Variants in NCBP3 observed in about 807,000 individuals in gnomAD.
NCBP3 encodes the protein nuclear cap binding subunit 3.
A neutral mutation model predicts 75.7 loss-of-function variants in NCBP3; 20 were observed. That is an observed-to-expected ratio of 0.26 (90% CI 0.19 to 0.38). NCBP3 has a LOEUF of 0.38. Among genes scored for constraint, NCBP3 ranks in the 10% least tolerant of loss-of-function variants. The pLI, the probability that NCBP3 is intolerant of heterozygous loss-of-function variation, is 1.00. For synonymous variants in NCBP3, 293 were observed against 290.5 expected, an observed-to-expected ratio of 1.01 and a Z score of -0.09; for missense variants, 678 against 796.9, an observed-to-expected ratio of 0.85 and a Z score of 1.80.
intron 2 of NCBP3, 80 bp from the exon 3 acceptor site, chr17:3,840,285 G>T: frequency 1.8e-6 from 2 of 1,131,482 alleles, no homozygotes; most frequent in South Asian, 2.7e-5. Context: ...ATGCATCAGT[G>T]ACAAACCTGA....
Position 3,812,423 on chromosome 17 carries a change from A to G in NCBP3, c.*621T>C, listed in dbSNP as rs1184059935. 4 of 753,590 alleles carry G rather than the reference A, an allele frequency of 5.3e-6. No individual in the cohort carries two copies. The highest frequency in any genetic ancestry group is 6.5e-6 in the Non-Finnish European group (4 of 617,528). The allele number at this position is 753,590 out of a possible 1,614,324, so 46.7% of individuals were successfully genotyped here. A position where few individuals can be genotyped will look rare whatever the true frequency, so the allele number is the denominator to read the frequency against. On this transcript the variant is annotated 3_prime_UTR_variant, in exon 13 of 13. Transcript: ENST00000389005. ...TCTTCACATCAAGCTGACAGCACGTAAGAGGCCCATGCCATGAGCAATCCC... is the reference window on the plus strand; with the variant it reads ...TCTTCACATCAAGCTGACAGCACGTGAGAGGCCCATGCCATGAGCAATCCC...
In NCBP3 at chr17:3,806,821, G is replaced by C. The variant is rs1466818349; in HGVS notation, c.*6223C>G. ...ATTTATTGTGGGTCTGGTTATGCAA[G>C]AACAATCTTCCTGGACACAGTGTGC... is the stretch of plus-strand genomic sequence containing the variant. On this transcript the variant is annotated 3_prime_UTR_variant, in exon 13 of 13. Transcript: ENST00000389005. 3 of 151,572 alleles carry C rather than the reference G, an allele frequency of 2.0e-5. No individual in the cohort carries two copies. Among genetic ancestry groups the C allele is most frequent in the African/African-American group, 7.3e-5 (3 of 41,232 alleles). 9.4% of individuals were successfully genotyped at this position (151,572 alleles called of 1,614,324 possible). A position where few individuals can be genotyped will look rare whatever the true frequency, so the allele number is the denominator to read the frequency against.
chr17:3,840,273 T>C (rs2054041277), intron 2 of NCBP3, 68 bp from the exon 3 acceptor site: 1 of 1,272,536 alleles, frequency 7.9e-7, no homozygotes, highest in Admixed American at 2.0e-5. Flanking sequence ...ACATGCATCA[T>C]GATGCATCAG....
In NCBP3 at chr17:3,811,054, T is replaced by G. The variant is rs1410521018; in HGVS notation, c.*1990A>C. The G allele has an allele frequency of 2.0e-5, 3 of 152,426 alleles. No homozygotes were observed. In the East Asian group the frequency reaches 5.8e-4, roughly 29 times the overall value. The allele number at this position is 152,426 out of a possible 1,614,324, so 9.4% of individuals were successfully genotyped here. A position where few individuals can be genotyped will look rare whatever the true frequency, so the allele number is the denominator to read the frequency against. On this transcript the variant is annotated 3_prime_UTR_variant, in exon 13 of 13. Coordinates refer to ENST00000389005, the MANE Select transcript of NCBP3 (RefSeq NM_001114118.3). ...CCCTGTCTACACCTCATGCGCGCCC[T>G]CAGTTGTCTCCCTGGCGCCTCCTCC...
At chr17:3,845,410 A>C (rs908683728) in intron 1 of NCBP3, among the ~76,000 whole-genome samples, 7 of 150,386 alleles carry the variant, frequency 4.7e-5, no homozygotes, top group African/African-American at 1.7e-4. Flanking sequence ...CCAGCGCGGT[A>C]AAGGAGGGAC....
At chr17:3,828,474 A>G (rs568064529) in intron 4 of NCBP3, among the ~76,000 whole-genome samples, 3 of 152,322 alleles carry the variant, frequency 2.0e-5, no homozygotes, top group African/African-American at 4.8e-5. Context: ...TTGTCTTTCA[A>G]TGAAAACATC....
At position 3,808,372 on chromosome 17, in the gene NCBP3, C is replaced by G. The variant is rs1392658549; in HGVS notation, c.*4672G>C. On this transcript the variant is annotated 3_prime_UTR_variant, in exon 13 of 13. Transcript: ENST00000389005. ...AATTACACTCCATTTTTATCTTAGGCACTGACCTTAGAACTGAATCCTGGA... is the reference window on the plus strand; with the variant it reads ...AATTACACTCCATTTTTATCTTAGGGACTGACCTTAGAACTGAATCCTGGA... The G allele has an allele frequency of 6.6e-6, 1 of 152,206 alleles. No individual in the cohort carries two copies. Among genetic ancestry groups the G allele is most frequent in the Non-Finnish European group, 1.5e-5 (1 of 68,044 alleles). The allele number at this position is 152,206 out of a possible 1,614,324, so 9.4% of individuals were successfully genotyped here. A position where few individuals can be genotyped will look rare whatever the true frequency, so the allele number is the denominator to read the frequency against.
chr17:3,812,817 G>A lies in NCBP3; in HGVS notation c.*227C>T. 1.5e-6 allele frequency: 2 copies of A among 1,377,782 alleles called. No individual in the cohort carries two copies. Among genetic ancestry groups the A allele is most frequent in the Non-Finnish European group, 1.9e-6 (2 of 1,064,868 alleles). The allele number at this position is 1,377,782 out of a possible 1,614,324, so 85.3% of individuals were successfully genotyped here. A position where few individuals can be genotyped will look rare whatever the true frequency, so the allele number is the denominator to read the frequency against. On this transcript the variant is annotated 3_prime_UTR_variant, in exon 13 of 13. Coordinates refer to ENST00000389005, the MANE Select transcript of NCBP3 (RefSeq NM_001114118.3). Reference sequence around the variant, plus strand: ...CAAAGGGTAAAGCCTGTGGGGTGGTGGGAAAGGAATCGAGGGCCCAGAACT... The same window carrying A: ...CAAAGGGTAAAGCCTGTGGGGTGGTAGGAAAGGAATCGAGGGCCCAGAACT...
chr17:3,821,155 A>T, intron 9 of NCBP3, 94 bp downstream of exon 9: 1 of 869,038 alleles, frequency 1.2e-6, no homozygotes, highest in Non-Finnish European at 1.9e-6. Flanking sequence ...AGAGAGGATG[A>T]TAAAGTTTGG....
intron 7 of NCBP3, chr17:3,823,793 C>T (rs1323832574): frequency 6.6e-6 from 1 of 152,084 alleles, no homozygotes; most frequent in African/African-American, 2.4e-5. Flanking sequence ...TGATGATTAC[C>T]TTAACCAAGT....
chr17:3,827,179 T>C (rs181264190), intron 4 of NCBP3, among the ~76,000 whole-genome samples: 2 of 152,304 alleles, frequency 1.3e-5, no homozygotes, highest in East Asian at 1.9e-4. Flanking sequence ...TAGAGCTGCG[T>C]TTCCAAACTG....
chr17:3,843,242 C>CAT, intron 1 of NCBP3, 91 bp from the exon 2 acceptor site: 1 of 904,604 alleles, frequency 1.1e-6, no homozygotes, highest in Non-Finnish European at 1.6e-6. Context: ...GTTCTTTTTT[C>CAT]CTTTTTTTTT....
intron 4 of NCBP3, among the ~76,000 whole-genome samples, chr17:3,826,700 G>A (rs2143674915): frequency 7.6e-6 from 1 of 131,258 alleles, no homozygotes; most frequent in East Asian, 2.4e-4. Flanking sequence ...GAAAGAGAAG[G>A]AAGGAAGGAA....
intron 3 of NCBP3, among the ~76,000 whole-genome samples, chr17:3,830,143 C>T (rs1327076112): frequency 6.6e-6 from 1 of 152,174 alleles, no homozygotes; most frequent in African/African-American, 2.4e-5. Context: ...ATGGAAGGGT[C>T]TGCAGAAAAC....
At chr17:3,844,282 T>G (rs932494091) in intron 1 of NCBP3, among the ~76,000 whole-genome samples, 2 of 152,220 alleles carry the variant, frequency 1.3e-5, no homozygotes, top group African/African-American at 4.8e-5. Flanking sequence ...ATAGTTTTCT[T>G]GACCTCTCTG....
intron 1 of NCBP3, among the ~76,000 whole-genome samples, chr17:3,843,524 A>G (rs1162202889): frequency 6.6e-6 from 1 of 152,150 alleles, no homozygotes; most frequent in Non-Finnish European, 1.5e-5. Flanking sequence ...GTGAGTCATC[A>G]CAACCAGTCT....
Position 3,803,520 on chromosome 17 carries a change from T to C in NCBP3, c.*9524A>G, listed in dbSNP as rs1456009060. The C allele has an allele frequency of 6.6e-6, 1 of 152,156 alleles. No individual in the cohort carries two copies. Among genetic ancestry groups the C allele is most frequent in the Non-Finnish European group, 1.5e-5 (1 of 68,036 alleles). The allele number at this position is 152,156 out of a possible 1,614,324, so 9.4% of individuals were successfully genotyped here. On this transcript the variant is annotated 3_prime_UTR_variant, in exon 13 of 13. Transcript: ENST00000389005. ...AGAGGCTGTCCCTGTTCTTGGGAAA[T>C]GTTCACTAAAACATCTTACGGATAA...
At chr17:3,813,884 G>A (rs2053474169) in intron 12 of NCBP3, among the ~76,000 whole-genome samples, 1 of 152,036 alleles carries the variant, frequency 6.6e-6, no homozygotes, top group South Asian at 2.1e-4. Flanking sequence ...GGCTGGTCTC[G>A]AACTCCTGAC....
At chr17:3,829,632 C>G (rs550319057) in intron 3 of NCBP3, among the ~76,000 whole-genome samples, 1 of 152,342 alleles carries the variant, frequency 6.6e-6, no homozygotes, top group Admixed American at 6.5e-5. Context: ...TACACGATAC[C>G]TCTCCCCACA....
Sources: gnomAD v4.1 joint callset for allele counts (sites outside exome capture counted in the v4.1 genomes callset) on GRCh38, gnomAD v4.1.1 for gene constraint, MANE v1.5 for transcripts, NCBI Gene and HGNC (gene_info 2026-07-23, HGNC 2026-07-21) for gene names.